ABHD2: variants seen among roughly 807,000 people sequenced by gnomAD.
ABHD2 encodes the protein monoacylglycerol lipase ABHD2.
ABHD2 carries 20 observed loss-of-function variants against 48.1 expected under a neutral mutation model. The observed-to-expected ratio is 0.42, with a 90% confidence interval of 0.29 to 0.60. ABHD2 has a LOEUF of 0.60. Ranked by LOEUF, ABHD2 falls within the 20% of genes least tolerant of loss-of-function variation. The probability of loss-of-function intolerance (pLI) is 0.24; values close to 1 mark genes in which losing one functional copy is unlikely to be tolerated. For synonymous variants in ABHD2, 209 were observed against 214.2 expected, an observed-to-expected ratio of 0.98 and a Z score of 0.21; for missense variants, 405 against 550.9, an observed-to-expected ratio of 0.74 and a Z score of 2.65.
At chr15:89,095,700 TGCTTTCCTCGTGTA>T (rs1394063201) in intron 1 of ABHD2, among the ~76,000 whole-genome samples, 1 of 152,228 alleles carries the variant, frequency 6.6e-6, no homozygotes, top group African/African-American at 2.4e-5. Flanking sequence ...CCACACTTTT[TGCTTTCCTCGTGTA>T]GCACCATCAC....
intron 5 of ABHD2, among the ~76,000 whole-genome samples, chr15:89,160,550 G>T (rs1413359008): frequency 6.7e-6 from 1 of 148,156 alleles, no homozygotes; most frequent in Non-Finnish European, 1.5e-5. Flanking sequence ...GTTCCATGTT[G>T]AGTTTTTGTC....
chr15:89,143,976 T>C (rs1356472581), intron 3 of ABHD2, among the ~76,000 whole-genome samples: 1 of 151,958 alleles, frequency 6.6e-6, no homozygotes, highest in Non-Finnish European at 1.5e-5. Flanking sequence ...GTTTGGAGTA[T>C]CCCCAAAAAG....
In ABHD2 at chr15:89,176,695, A is replaced by G. The variant is rs1361890792; in HGVS notation, c.722+700A>G. On this transcript the variant is annotated intron_variant, in intron 6 of 10. Coordinates refer to ENST00000352732, the MANE Select transcript of ABHD2 (RefSeq NM_152924.5). The surrounding 1 kb of genome is among the most constrained non-coding windows in gnomAD (Gnocchi z 4.5). ...ACACACACATGCACACACTCACACT[A>G]TACACACACCTCTCCAGGCTCTTCA... Among the ~76,000 whole-genome samples the G allele has an allele frequency of 2.0e-5, 3 of 151,970 alleles. No homozygotes were observed. The highest frequency in any genetic ancestry group is 2.9e-5 in the Non-Finnish European group (2 of 67,984).
chr15:89,076,737 GC>G, the ABHD2 span, among the ~76,000 whole-genome samples: 1 of 152,184 alleles, frequency 6.6e-6, no homozygotes, highest in Non-Finnish European at 1.5e-5. Context: ...ACTTGCCCCA[GC>G]CTTCCAAAGT....
chr15:89,181,259 T>C (rs2051110170), intron 6 of ABHD2, among the ~76,000 whole-genome samples: 1 of 134,386 alleles, frequency 7.4e-6, no homozygotes, highest in African/African-American at 2.8e-5. Context: ...AACAAGATGG[T>C]AAATTTTATG....
Position 89,114,533 on chromosome 15 carries a change from A to G in ABHD2, c.-7+709A>G, listed in dbSNP as rs1220632602. On this transcript the variant is annotated intron_variant, in intron 2 of 10. Transcript: ENST00000352732. The surrounding 1 kb of genome is among the most constrained non-coding windows in gnomAD (Gnocchi z 4.2). ...CGTTTCGCTCTTGTCCCCAGGCTGGAGTGCAGTGGTGTGATCTTGGCTCAC... is the reference window on the plus strand; with the variant it reads ...CGTTTCGCTCTTGTCCCCAGGCTGGGGTGCAGTGGTGTGATCTTGGCTCAC... Among the ~76,000 whole-genome samples, 1 of 151,988 alleles carries G rather than the reference A, an allele frequency of 6.6e-6. No individual in the cohort carries two copies. The highest frequency in any genetic ancestry group is 1.5e-5 in the Non-Finnish European group (1 of 67,996).
chr15:89,077,526 G>A, the ABHD2 span, among the ~76,000 whole-genome samples: 6 of 151,976 alleles, frequency 3.9e-5, no homozygotes, highest in African/African-American at 9.7e-5. Flanking sequence ...TTTAATTTTG[G>A]GTTTACTTAA....
Position 89,177,658 on chromosome 15 carries a change from C to T in ABHD2, c.722+1663C>T, listed in dbSNP as rs560393046. ...CTACCAGGAATCTTTTCCTTCACTC[C>T]TCTGGACACTGGGGAGTCAGCTGAG... On this transcript the variant is annotated intron_variant, in intron 6 of 10. Coordinates refer to ENST00000352732, the MANE Select transcript of ABHD2 (RefSeq NM_152924.5). This position sits in a 1 kb window ranked among gnomAD's most constrained non-coding sequence, Gnocchi z 5.6. Among the ~76,000 whole-genome samples, 3 of 152,226 alleles carry T rather than the reference C, an allele frequency of 2.0e-5. No individual in the cohort carries two copies. The South Asian group carries it at 6.2e-4, about 32-fold the overall frequency.
intron 9 of ABHD2, among the ~76,000 whole-genome samples, chr15:89,192,068 C>G (rs1327536232): frequency 6.6e-6 from 1 of 152,262 alleles, no homozygotes; most frequent in African/African-American, 2.4e-5. Context: ...CAGTCCCTCT[C>G]ATTCTGTCTT....
In ABHD2 at chr15:89,195,546, C is replaced by T. The variant is rs1021398721; in HGVS notation, c.*123C>T. 2.9e-5 allele frequency: 31 copies of T among 1,051,696 alleles called. No individual in the cohort carries two copies. The highest frequency in any genetic ancestry group is 4.0e-5 in the Non-Finnish European group (30 of 746,944). The allele number at this position is 1,051,696 out of a possible 1,614,324, so 65.1% of individuals were successfully genotyped here. A position where few individuals can be genotyped will look rare whatever the true frequency, so the allele number is the denominator to read the frequency against. On this transcript the variant is annotated 3_prime_UTR_variant, in exon 11 of 11. Coordinates refer to ENST00000352732, the MANE Select transcript of ABHD2 (RefSeq NM_152924.5). This position sits in a 1 kb window ranked among gnomAD's most constrained non-coding sequence, Gnocchi z 5.1. ...CTGACCTCACACCATCAGCAGGGGG[C>T]ACCCACCATGCACACCTGTCTCGGA...
chr15:89,094,943 A>T lies in ABHD2; in HGVS notation c.-107+6380A>T, dbSNP rs578083860. Reference sequence around the variant, plus strand: ...GCCGGGCATGGTGGTTCACACTCAGAATCCCAGCTACTCGGGAAGCTGAAG... The same window carrying T: ...GCCGGGCATGGTGGTTCACACTCAGTATCCCAGCTACTCGGGAAGCTGAAG... On this transcript the variant is annotated intron_variant, in intron 1 of 10. Coordinates refer to ENST00000352732, the MANE Select transcript of ABHD2 (RefSeq NM_152924.5). The surrounding 1 kb of genome is among the most constrained non-coding windows in gnomAD (Gnocchi z 4.7). 6.6e-6 allele frequency among the ~76,000 whole-genome samples: 1 copy of T among 151,842 alleles called. No homozygotes were observed. Among genetic ancestry groups the T allele is most frequent in the South Asian group, 2.1e-4 (1 of 4,798 alleles).
the ABHD2 span, among the ~76,000 whole-genome samples, chr15:89,051,874 C>G: frequency 6.6e-6 from 1 of 152,054 alleles, no homozygotes; most frequent in African/African-American, 2.4e-5. Flanking sequence ...AATAGAGGTA[C>G]CATGTCAATA....
intron 5 of ABHD2, among the ~76,000 whole-genome samples, chr15:89,170,080 CTTTTTTTTTTTTTTTTTTTTTTTT>C (rs748983183): frequency 2.7e-5 from 1 of 37,484 alleles, no homozygotes; most frequent in Admixed American, 5.4e-4. Context: ...AGATCAGATT[CTTTTTTTTTTTTTTTTTTTTTTTT>C]TTTTTTTTTG....
chr15:89,054,933 T>C, the ABHD2 span, among the ~76,000 whole-genome samples: 5 of 152,102 alleles, frequency 3.3e-5, no homozygotes, highest in Admixed American at 3.3e-4. Flanking sequence ...GCTTAATCAA[T>C]CTTCTATTGT....
At position 89,173,619 on chromosome 15, in the gene ABHD2, G is replaced by C. The variant is rs2050964004; in HGVS notation, c.539-2193G>C. ...AACTTGAATGAATCTGACTTCGGTG[G>C]GGACAACAGTCTGGCATTTCACATT... On this transcript the variant is annotated intron_variant, in intron 5 of 10. Transcript: ENST00000352732. The surrounding 1 kb of genome is among the most constrained non-coding windows in gnomAD (Gnocchi z 6.5). 6.6e-6 allele frequency among the ~76,000 whole-genome samples: 1 copy of C among 152,172 alleles called. No individual in the cohort carries two copies. The highest frequency in any genetic ancestry group is 2.1e-4 in the South Asian group (1 of 4,830).
rs111531968 is a variant in ABHD2, at chr15:89,185,707, G to A, written c.815+191G>A. Among the ~76,000 whole-genome samples, 665 of 152,310 alleles carry A rather than the reference G, an allele frequency of 4.4e-3. 2 individuals carry two copies. Among genetic ancestry groups the A allele is most frequent in the African/African-American group, 0.016 (647 of 41,570 alleles). On this transcript the variant is annotated intron_variant, in intron 7 of 10. Transcript: ENST00000352732. The surrounding 1 kb of genome is among the most constrained non-coding windows in gnomAD (Gnocchi z 5.9). ...GTCTTGGCCAGGCGCGGTGGCTCAC[G>A]CCTGTAACCCCAGCACTTTGGGAAG... is the stretch of plus-strand genomic sequence containing the variant.
Position 89,201,663 on chromosome 15 carries a change from A to G in ABHD2, c.*6240A>G. ...CACGGTAGTCTTCACTTTGAAACAC[A>G]CTTTTCTATCCGATGGATTTCGCAA... On this transcript the variant is annotated 3_prime_UTR_variant, in exon 11 of 11. Coordinates refer to ENST00000352732, the MANE Select transcript of ABHD2 (RefSeq NM_152924.5). The G allele has an allele frequency of 8.7e-6, 14 of 1,608,202 alleles. No homozygotes were observed. Among genetic ancestry groups the G allele is most frequent in the African/African-American group, 1.3e-5 (1 of 74,936 alleles).
intron 5 of ABHD2, among the ~76,000 whole-genome samples, chr15:89,158,421 A>G (rs1228711009): frequency 6.6e-6 from 1 of 152,220 alleles, no homozygotes; most frequent in East Asian, 1.9e-4. Flanking sequence ...CCAGATTGGA[A>G]GGCGTTACCA....
chr15:89,117,620 T>C (rs1053387598), intron 3 of ABHD2, among the ~76,000 whole-genome samples: 4 of 152,186 alleles, frequency 2.6e-5, no homozygotes, highest in African/African-American at 9.6e-5. Flanking sequence ...CTGCAGCTAC[T>C]CAGAGAGATG....
Sources: gnomAD v4.1 joint callset for allele counts (sites outside exome capture counted in the v4.1 genomes callset) on GRCh38, gnomAD v4.1.1 for gene constraint, Gnocchi (gnomAD v3.1) non-coding constraint, MANE v1.5 for transcripts, NCBI Gene and HGNC (gene_info 2026-07-23, HGNC 2026-07-21) for gene names.